Variants in PCDHGA4 observed in about 807,000 individuals in gnomAD.
PCDHGA4 encodes protocadherin gamma subfamily A, 4, also known as protocadherin gamma-A4.
PCDHGA4 carries 38 observed loss-of-function variants against 54.6 expected under a neutral mutation model. The ratio of observed to expected loss-of-function variants is 0.70; its 90% CI spans 0.54 to 0.91. PCDHGA4 has a LOEUF of 0.91. PCDHGA4 is among the 40% of genes least tolerant of loss of function. The pLI is 0.00. For synonymous variants in PCDHGA4, 511 were observed against 512.9 expected (o/e 1.00, Z 0.05); for missense variants, 1,298 against 1,220.9 (o/e 1.06, Z -0.94).
chr5:141,423,053 T>C lies in PCDHGA4; in HGVS notation c.2514+65432T>C, dbSNP rs200154593. 1.4e-4 allele frequency: 219 copies of C among 1,614,170 alleles called. 1 individual carries two copies. The African/African-American group carries it at 2.5e-3, about 18-fold the overall frequency. ...CAGAACGCCTGGCTGTCCTATCGCCTGCTTAAGGCCAGCGAGCCGGGACTC... is the reference window on the plus strand; with the variant it reads ...CAGAACGCCTGGCTGTCCTATCGCCCGCTTAAGGCCAGCGAGCCGGGACTC... On this transcript the variant is annotated intron_variant, in intron 1 of 3. Coordinates refer to ENST00000571252, the MANE Select transcript of PCDHGA4 (RefSeq NM_018917.4).
intron 1 of PCDHGA4, chr5:141,423,638 A>G (rs771989468): frequency 2.5e-6 from 4 of 1,598,292 alleles, no homozygotes; most frequent in Non-Finnish European, 3.4e-6. Context: ...ATTTTAGGCA[A>G]ATGTGACCCG....
intron 1 of PCDHGA4, 103 bp downstream of exon 1, chr5:141,357,724 T>C (rs1052718500): frequency 1.4e-6 from 2 of 1,392,936 alleles, no homozygotes; most frequent in African/African-American, 2.9e-5. Context: ...AGTTGCCTCT[T>C]TTAATATTTT....
rs561548499 is a variant in PCDHGA4, at chr5:141,414,930, C to T, written c.2514+57309C>T. On this transcript the variant is annotated intron_variant, in intron 1 of 3. Coordinates refer to ENST00000571252, the MANE Select transcript of PCDHGA4 (RefSeq NM_018917.4). ...CAGGCGTGGAGCTGGCGCCCCGCTC[C>T]GCAGAGCCCGGCTACCTGGTGACCA... 1.9e-6 allele frequency: 3 copies of T among 1,614,156 alleles called. No homozygotes were observed. The South Asian group carries it at 3.3e-5, about 18-fold the overall frequency.
At chr5:141,496,236 C>T (rs1290509264) in intron 2 of PCDHGA4, among the ~76,000 whole-genome samples, 7 of 152,138 alleles carry the variant, frequency 4.6e-5, no homozygotes, top group Middle Eastern at 3.2e-3. Flanking sequence ...GAACCCCCTG[C>T]GGGCTGAAGG....
intron 2 of PCDHGA4, among the ~76,000 whole-genome samples, chr5:141,499,370 AT>A (rs932083472): frequency 2.0e-5 from 3 of 152,170 alleles, no homozygotes. Context: ...TAGCAACTTA[AT>A]TTTTTTCCAC....
rs144796076 is a variant in PCDHGA4, at chr5:141,394,245, G to A, written c.2514+36624G>A. ...CTCCATCTTTTCCTTGACTGCACACGACCCCGACAGCCAGGAGAATGCCCA... is the reference window on the plus strand; with the variant it reads ...CTCCATCTTTTCCTTGACTGCACACAACCCCGACAGCCAGGAGAATGCCCA... On this transcript the variant is annotated intron_variant, in intron 1 of 3. Transcript: ENST00000571252. The A allele has an allele frequency of 2.5e-3, 4,038 of 1,613,812 alleles. 13 individuals carry two copies. The highest frequency in any genetic ancestry group is 6.1e-3 in the Middle Eastern group (37 of 6,062).
At chr5:141,500,840 C>T (rs1394248251) in intron 2 of PCDHGA4, among the ~76,000 whole-genome samples, 1 of 151,966 alleles carries the variant, frequency 6.6e-6, no homozygotes, top group Non-Finnish European at 1.5e-5. Flanking sequence ...TGCTAATGGG[C>T]TTTTGCTACA....
chr5:141,383,310 A>C (rs1779012544), intron 1 of PCDHGA4: 1 of 1,614,004 alleles, frequency 6.2e-7, no homozygotes, highest in Non-Finnish European at 8.5e-7. Context: ...TGACGGAAGA[A>C]ATAAATGTAA....
intron 1 of PCDHGA4, among the ~76,000 whole-genome samples, chr5:141,445,156 GT>G (rs1248104914): frequency 6.6e-6 from 1 of 152,018 alleles, no homozygotes; most frequent in Non-Finnish European, 1.5e-5. Flanking sequence ...TTCATTTCTA[GT>G]TTACAGAAAA....
In PCDHGA4 at chr5:141,398,901, C is replaced by CACCA. The variant is rs763382637; in HGVS notation, c.2514+41281_2514+41284dup. ...GCCTTCGGGAAAACGTGCCACCAGG[C>CACCA]ACCACTGTGTTGCAAGTGTCAGCCA... On this transcript the variant is annotated intron_variant, in intron 1 of 3. Coordinates refer to ENST00000571252, the MANE Select transcript of PCDHGA4 (RefSeq NM_018917.4). 3.7e-6 allele frequency: 6 copies of CACCA among 1,613,954 alleles called. No homozygotes were observed. The South Asian group carries it at 6.6e-5, about 18-fold the overall frequency.
chr5:141,441,547 A>G (rs1393958373), intron 1 of PCDHGA4: 1 of 182,772 alleles, frequency 5.5e-6, no homozygotes, highest in Admixed American at 6.4e-5. Context: ...CAAAGCCTCC[A>G]TAGTGTGCAA....
chr5:141,418,626 C>A (rs1237600131), intron 1 of PCDHGA4: 2 of 1,613,902 alleles, frequency 1.2e-6, no homozygotes, highest in African/African-American at 2.7e-5. Context: ...GAAGACGTGC[C>A]TCCAGGCACC....
At chr5:141,361,473 C>A (rs374176708) in intron 1 of PCDHGA4, 3 of 1,613,906 alleles carry the variant, frequency 1.9e-6, no homozygotes, top group Middle Eastern at 1.6e-4. Flanking sequence ...CCGACGTCAA[C>A]GATAATGCCC....
chr5:141,399,812 C>T (rs1561672586), intron 1 of PCDHGA4: 1 of 1,613,222 alleles, frequency 6.2e-7, no homozygotes, highest in South Asian at 1.1e-5. Context: ...CTGTACCCCG[C>T]GCTGGGTCCC....
In PCDHGA4 at chr5:141,432,508, G is replaced by A. The variant is rs1306067848; in HGVS notation, c.2515-62299G>A. ...TGGAGCTGGCTCCCCGCTCCGCAGA[G>A]CCCGGCTACCTGGTGACCAAGGTGG... On this transcript the variant is annotated intron_variant, in intron 1 of 3. Coordinates refer to ENST00000571252, the MANE Select transcript of PCDHGA4 (RefSeq NM_018917.4). This position sits in a 1 kb window ranked among gnomAD's most constrained non-coding sequence, Gnocchi z 6.0. The A allele has an allele frequency of 1.9e-6, 3 of 1,614,136 alleles. No individual in the cohort carries two copies. Among genetic ancestry groups the A allele is most frequent in the Non-Finnish European group, 2.5e-6 (3 of 1,180,034 alleles).
At chr5:141,438,591 CATATATAT>C (rs946798767) in intron 1 of PCDHGA4, among the ~76,000 whole-genome samples, 35 of 75,562 alleles carry the variant, frequency 4.6e-4, no homozygotes, top group South Asian at 1.0e-3. Flanking sequence ...TACATACATA[CATATATAT>C]ATATATATAT....
At chr5:141,468,415 G>A (rs1040067190) in intron 1 of PCDHGA4, 5 of 151,704 alleles carry the variant, frequency 3.3e-5, no homozygotes, top group Non-Finnish European at 7.4e-5. Context: ...TAATAAGTTA[G>A]ATAGCAAGGT....
chr5:141,490,597 C>T lies in PCDHGA4; in HGVS notation c.2515-4210C>T, dbSNP rs781077720. Reference sequence around the variant, plus strand: ...TTCAGATGTCAATGACAATGCACCCCGCTTCAACCAGCAGCTTTACACTGC... The same window carrying T: ...TTCAGATGTCAATGACAATGCACCCTGCTTCAACCAGCAGCTTTACACTGC... On this transcript the variant is annotated intron_variant, in intron 1 of 3. Coordinates refer to ENST00000571252, the MANE Select transcript of PCDHGA4 (RefSeq NM_018917.4). The surrounding 1 kb of genome is among the most constrained non-coding windows in gnomAD (Gnocchi z 5.4). The T allele has an allele frequency of 1.2e-5, 20 of 1,614,182 alleles. No homozygotes were observed. The highest frequency in any genetic ancestry group is 3.3e-5 in the Admixed American group (2 of 60,026).
chr5:141,361,824 G>C (rs1285016518), intron 1 of PCDHGA4: 2 of 1,612,886 alleles, frequency 1.2e-6, no homozygotes, highest in Non-Finnish European at 1.7e-6. Context: ...CACGGGTGCT[G>C]TACCCCGCGC....
Sources: gnomAD v4.1 joint callset for allele counts (sites outside exome capture counted in the v4.1 genomes callset) on GRCh38, gnomAD v4.1.1 for gene constraint, Gnocchi (gnomAD v3.1) non-coding constraint, MANE v1.5 for transcripts, NCBI Gene and HGNC (gene_info 2026-07-23, HGNC 2026-07-21) for gene names.